The following GALNT13 variants were observed in gnomAD, a reference collection of about 807,000 sequenced individuals.
GALNT13 encodes the protein UDP-GalNAc:polypeptide N-acetylgalactosaminyltransferase 13.
Under a neutral mutation model 64.2 loss-of-function variants are expected in GALNT13, and 28 were observed. The observed-to-expected ratio is 0.44, with a 90% confidence interval of 0.32 to 0.60. GALNT13 has a LOEUF of 0.60. GALNT13 is among the 20% of genes least tolerant of loss of function. The probability of loss-of-function intolerance (pLI) is 0.05; values close to 1 mark genes in which losing one functional copy is unlikely to be tolerated. For missense variants in GALNT13, 577 were observed against 669.8 expected (o/e 0.86, Z 1.53); for synonymous variants, 214 against 224.6 (o/e 0.95, Z 0.42).
intron 8 of GALNT13, among the ~76,000 whole-genome samples, chr2:154,295,765 G>A (rs558092529): frequency 6.6e-6 from 1 of 152,002 alleles, no homozygotes; most frequent in East Asian, 2.0e-4. Context: ...CATGATGAAA[G>A]AGGAGCTTGG....
At chr2:153,913,391 A>C (rs1051524011) in intron 2 of GALNT13, among the ~76,000 whole-genome samples, 7 of 152,116 alleles carry the variant, frequency 4.6e-5, no homozygotes, top group Non-Finnish European at 1.0e-4. Context: ...GTCTGTGCAC[A>C]CATGTCCTGT....
At chr2:153,965,907 C>G (rs1422719620) in intron 3 of GALNT13, among the ~76,000 whole-genome samples, 1 of 148,368 alleles carries the variant, frequency 6.7e-6, no homozygotes, top group Non-Finnish European at 1.5e-5. Flanking sequence ...GATCTCATAA[C>G]AAATTGTTTT....
At chr2:154,103,647 A>T (rs1439851646) in intron 3 of GALNT13, among the ~76,000 whole-genome samples, 1 of 152,240 alleles carries the variant, frequency 6.6e-6, no homozygotes, top group African/African-American at 2.4e-5. Context: ...GGACTTTTAA[A>T]TTTATTATTC....
At chr2:153,195,984 G>T in the GALNT13 span, among the ~76,000 whole-genome samples, 1 of 152,142 alleles carries the variant, frequency 6.6e-6, no homozygotes, top group East Asian at 1.9e-4. Context: ...AGAGAGAGTA[G>T]CTCCTCTCTG....
the GALNT13 span, among the ~76,000 whole-genome samples, chr2:153,070,105 A>C: frequency 1.3e-5 from 2 of 152,048 alleles, no homozygotes; most frequent in African/African-American, 4.8e-5. Flanking sequence ...GAGTTTGGGG[A>C]GTTTTTCTGC....
chr2:153,926,340 G>A (rs1162051696), intron 2 of GALNT13: 1 of 152,026 alleles, frequency 6.6e-6, no homozygotes, highest in Admixed American at 6.6e-5. Context: ...ATAGTTAAAA[G>A]TGAGTAGTCT....
intron 3 of GALNT13, among the ~76,000 whole-genome samples, chr2:153,997,527 C>A (rs561756849): frequency 1.3e-5 from 2 of 151,960 alleles, no homozygotes; most frequent in Non-Finnish European, 2.9e-5. Flanking sequence ...TTATTTTGTA[C>A]CCTGCAACTT....
chr2:153,079,231 C>T, the GALNT13 span, among the ~76,000 whole-genome samples: 2 of 152,070 alleles, frequency 1.3e-5, no homozygotes, highest in Admixed American at 6.6e-5. Flanking sequence ...AGAGCTTTTA[C>T]TGTGACTTGT....
At chr2:153,697,642 G>C in the GALNT13 span, among the ~76,000 whole-genome samples, 38 of 152,328 alleles carry the variant, frequency 2.5e-4, no homozygotes, top group East Asian at 4.8e-3. Context: ...TGTGTGTCTG[G>C]AGCTTAGCAA....
chr2:154,261,913 A>G (rs1286578665), intron 8 of GALNT13, among the ~76,000 whole-genome samples: 1 of 152,132 alleles, frequency 6.6e-6, no homozygotes, highest in Non-Finnish European at 1.5e-5. Context: ...AGATAGAAAT[A>G]TTTAGGGCTT....
intron 1 of GALNT13, among the ~76,000 whole-genome samples, chr2:153,899,337 G>A (rs1688079666): frequency 6.6e-6 from 1 of 152,258 alleles, no homozygotes; most frequent in East Asian, 1.9e-4. Flanking sequence ...CTATGAGGAT[G>A]AATATGCTAA....
chr2:154,150,891 C>T (rs1336347449), intron 4 of GALNT13, among the ~76,000 whole-genome samples: 5 of 152,090 alleles, frequency 3.3e-5, no homozygotes, highest in Admixed American at 3.3e-4. Context: ...CTCCTGGATT[C>T]ATTAATTTTT....
chr2:153,424,035 A>G, the GALNT13 span, among the ~76,000 whole-genome samples: 1 of 150,814 alleles, frequency 6.6e-6, no homozygotes. Flanking sequence ...TAACTGAAAA[A>G]AAGTAATAGA....
Position 154,405,628 on chromosome 2 carries a change from C to T in GALNT13, c.1297-3356C>T, listed in dbSNP as rs182448142. On this transcript the variant is annotated intron_variant, in intron 10 of 12. Coordinates refer to ENST00000392825, the MANE Select transcript of GALNT13 (RefSeq NM_052917.4). The stretch of plus-strand genomic sequence containing the variant: ...ATTTGACCAGGTGTGATGGTGGGCA[C>T]CTGTAATCCCAGCTACTTGGGAAGC... Among the ~76,000 whole-genome samples the T allele has an allele frequency of 5.3e-5, 8 of 151,416 alleles. No homozygotes were observed. In the East Asian group the frequency reaches 1.6e-3, roughly 30 times the overall value.
chr2:153,810,135 G>A, the GALNT13 span, among the ~76,000 whole-genome samples: 1 of 151,852 alleles, frequency 6.6e-6, no homozygotes, highest in Admixed American at 6.6e-5. Flanking sequence ...TAATTTTTTT[G>A]TATTTTTTTA....
the GALNT13 span, among the ~76,000 whole-genome samples, chr2:153,138,243 G>T: frequency 6.6e-6 from 1 of 152,020 alleles, no homozygotes; most frequent in Non-Finnish European, 1.5e-5. Flanking sequence ...TGCTGACTGT[G>T]AAGAGTATGT....
chr2:153,971,888 G>A (rs562588963), intron 3 of GALNT13, among the ~76,000 whole-genome samples: 3 of 152,198 alleles, frequency 2.0e-5, no homozygotes, highest in South Asian at 4.1e-4. Context: ...CTTCTCAGAT[G>A]TAATTAGTCA....
the GALNT13 span, among the ~76,000 whole-genome samples, chr2:153,789,132 G>A: frequency 6.6e-6 from 1 of 152,022 alleles, no homozygotes; most frequent in Admixed American, 6.6e-5. Flanking sequence ...TCCACCCTGA[G>A]ACAACAGAAT....
rs556597694 is a variant in GALNT13, at chr2:154,220,858, C to T, written c.312-21172C>T. 2.4e-4 allele frequency among the ~76,000 whole-genome samples: 37 copies of T among 152,158 alleles called. No homozygotes were observed. The South Asian group carries it at 6.6e-3, about 27-fold the overall frequency. ...AAGTTTGTAAAGTTTAAATAAGACA[C>T]TTGTGCTTTAGTTTCTGGCCCAAAT... is the stretch of plus-strand genomic sequence containing the variant. On this transcript the variant is annotated intron_variant, in intron 4 of 12. Coordinates refer to ENST00000392825, the MANE Select transcript of GALNT13 (RefSeq NM_052917.4).
Sources: gnomAD v4.1 joint callset for allele counts (sites outside exome capture counted in the v4.1 genomes callset) on GRCh38, gnomAD v4.1.1 for gene constraint, MANE v1.5 for transcripts, NCBI Gene and HGNC (gene_info 2026-07-23, HGNC 2026-07-21) for gene names.